Variants in ISM1 observed in about 807,000 individuals in gnomAD.
ISM1 encodes the protein isthmin-1.
Under a neutral mutation model 46.3 loss-of-function variants are expected in ISM1, and 25 were observed. That is an observed-to-expected ratio of 0.54 (90% CI 0.39 to 0.75). The LOEUF is 0.75. Among genes scored for constraint, ISM1 ranks in the 30% least tolerant of loss-of-function variants. The pLI is 0.00. For missense variants in ISM1, 536 were observed against 625.4 expected (o/e 0.86, Z 1.52); for synonymous variants, 255 against 256.7 (o/e 0.99, Z 0.06).
intron 3 of ISM1, among the ~76,000 whole-genome samples, chr20:13,282,712 AGTC>A (rs2040250700): frequency 6.6e-6 from 1 of 152,240 alleles, no homozygotes; most frequent in Non-Finnish European, 1.5e-5. Context: ...TTATAAATAA[AGTC>A]GTGTTCTGTG....
intron 1 of ISM1, among the ~76,000 whole-genome samples, chr20:13,263,415 T>C (rs1170924193): frequency 6.6e-6 from 1 of 152,068 alleles, no homozygotes; most frequent in Non-Finnish European, 1.5e-5. Flanking sequence ...GTGCCCCTTC[T>C]AGAAAGCCGA....
At chr20:13,291,337 G>A (rs771909741) in intron 4 of ISM1, among the ~76,000 whole-genome samples, 2 of 152,028 alleles carry the variant, frequency 1.3e-5, no homozygotes, top group African/African-American at 2.4e-5. Context: ...TGTTTGATTC[G>A]TTGATTCCCA....
chr20:13,226,022 T>A (rs2039520805), intron 1 of ISM1, among the ~76,000 whole-genome samples: 1 of 152,232 alleles, frequency 6.6e-6, no homozygotes, highest in Non-Finnish European at 1.5e-5. Context: ...AGTTTTAGAA[T>A]CATGAATTTC....
chr20:13,233,661 G>A (rs2123143045), intron 1 of ISM1, among the ~76,000 whole-genome samples: 1 of 151,418 alleles, frequency 6.6e-6, no homozygotes, highest in Middle Eastern at 3.5e-3. Flanking sequence ...GAAATGAATT[G>A]AGGAAATTCT....
At chr20:13,233,083 G>A (rs114158348) in intron 1 of ISM1, among the ~76,000 whole-genome samples, 6 of 151,430 alleles carry the variant, frequency 4.0e-5, no homozygotes, top group South Asian at 2.1e-4. Context: ...TACTTCTCCC[G>A]TGTCCTGCTG....
intron 1 of ISM1, among the ~76,000 whole-genome samples, chr20:13,269,139 C>G (rs1030123176): frequency 5.3e-5 from 8 of 152,116 alleles, no homozygotes; most frequent in African/African-American, 1.9e-4. Context: ...ATATACACTC[C>G]CAAACCCCAA....
the ISM1 span, among the ~76,000 whole-genome samples, chr20:13,317,297 AAAG>A: frequency 0.12 from 17,808 of 151,966 alleles, 1,492 homozygotes; most frequent in Non-Finnish European, 0.18. Flanking sequence ...GAGAGAAATC[AAAG>A]AAGTAAATAA....
At chr20:13,277,395 G>A (rs534838961) in intron 2 of ISM1, among the ~76,000 whole-genome samples, 8 of 146,302 alleles carry the variant, frequency 5.5e-5, no homozygotes, top group East Asian at 2.0e-4. Context: ...CCTTGCAGAC[G>A]ATTGTTGCAG....
chr20:13,240,247 T>C (rs1319299426), intron 1 of ISM1, among the ~76,000 whole-genome samples: 1 of 152,182 alleles, frequency 6.6e-6, no homozygotes, highest in Non-Finnish European at 1.5e-5. Flanking sequence ...GAAAGAAAAC[T>C]GACAATAATT....
chr20:13,266,246 G>C (rs534711082), intron 1 of ISM1, among the ~76,000 whole-genome samples: 4 of 152,304 alleles, frequency 2.6e-5, no homozygotes, highest in Admixed American at 2.6e-4. Context: ...TGCAATGTCT[G>C]CCACAGTACT....
the ISM1 span, among the ~76,000 whole-genome samples, chr20:13,311,037 T>C: frequency 3.0e-4 from 45 of 151,922 alleles, no homozygotes; most frequent in South Asian, 9.0e-3. Flanking sequence ...CTACTGAAAA[T>C]ACAAAAATTA....
Position 13,279,760 on chromosome 20 carries a change from G to C in ISM1, c.505G>C (p.Ala169Pro), listed in dbSNP as rs746319100. Residue 169 changes from alanine to proline, a missense_variant, in exon 3 of 6, where the codon GCC (alanine) becomes CCC (proline). Ala to Pro is a conservative substitution (Grantham distance 27). Around this residue, in one of 2 missense-constraint regions of ISM1, gnomAD observed 367 missense variants for 376.1 expected, o/e 0.98. Coordinates refer to ENST00000262487, the MANE Select transcript of ISM1 (RefSeq NM_080826.2). Reference sequence around the variant, plus strand: ...CTGGTGGCAGAGGTCCCTGTCCTTGGCCAGGGCAAACAGCGGGGACCAGGA... The same window carrying C: ...CTGGTGGCAGAGGTCCCTGTCCTTGCCCAGGGCAAACAGCGGGGACCAGGA... ...RAWWQRSLSL[A>P]RANSGDQDYK... is the part of the protein sequence containing the mutation. The C allele has an allele frequency of 2.5e-6, 4 of 1,613,868 alleles. No homozygotes were observed. The African/African-American group carries it at 5.3e-5, about 22-fold the overall frequency.
chr20:13,298,912 G>A, intron 5 of ISM1, 30 bp from the exon 6 acceptor site: 2 of 1,607,122 alleles, frequency 1.2e-6, no homozygotes, highest in South Asian at 1.1e-5. Context: ...TGTACACGCG[G>A]TGAGAGGGTT....
chr20:13,306,878 G>A, the ISM1 span, among the ~76,000 whole-genome samples: 1 of 152,136 alleles, frequency 6.6e-6, no homozygotes, highest in South Asian at 2.1e-4. Context: ...TGGCTACAGA[G>A]GACAGAATCT....
chr20:13,317,738 T>C, the ISM1 span, among the ~76,000 whole-genome samples: 1 of 152,102 alleles, frequency 6.6e-6, no homozygotes, highest in Non-Finnish European at 1.5e-5. Flanking sequence ...AGCATTCACA[T>C]GCAAAACAAA....
intron 3 of ISM1, among the ~76,000 whole-genome samples, chr20:13,283,174 G>A (rs1008741947): frequency 6.6e-6 from 1 of 152,082 alleles, no homozygotes; most frequent in African/African-American, 2.4e-5. Flanking sequence ...CAAAAGTGCT[G>A]GGATTTTAAT....
At chr20:13,223,114 G>A (rs2039470503) in intron 1 of ISM1, among the ~76,000 whole-genome samples, 1 of 150,796 alleles carries the variant, frequency 6.6e-6, no homozygotes, top group African/African-American at 2.5e-5. Flanking sequence ...CTGAGATCGC[G>A]CCACTGCACT....
At position 13,239,293 on chromosome 20, in the gene ISM1, C is replaced by T. The variant is rs143694577; in HGVS notation, c.138+17379C>T. 6.4e-3 allele frequency among the ~76,000 whole-genome samples: 972 copies of T among 152,346 alleles called. 17 individuals are homozygous for T. The highest frequency in any genetic ancestry group is 0.022 in the African/African-American group (913 of 41,564). ...CTGAAACTCTGTCTGGTGTGGTTCT[C>T]TCATGCCCCACAATGGTTCTTTCAC... On this transcript the variant is annotated intron_variant, in intron 1 of 5. Transcript: ENST00000262487.
Position 13,288,615 on chromosome 20 carries a change from G to C in ISM1, c.719G>C (p.Arg240Pro). Reference protein sequence around the residue: ...SVTCGNGNQKRTRSCGYACTA... With the variant: ...SVTCGNGNQKPTRSCGYACTA... Reference sequence around the variant, plus strand: ...ACCTGCGGGAACGGCAACCAGAAACGGACCCGGTCTTGTGGCTACGCGTGC... The same window carrying C: ...ACCTGCGGGAACGGCAACCAGAAACCGACCCGGTCTTGTGGCTACGCGTGC... The change falls in exon 4 of 6, where the codon CGG becomes CCG. Residue 240 changes from arginine (R) to proline (P), a missense_variant. Arg to Pro is a moderately radical substitution (Grantham distance 103). This residue lies in a region of ISM1 where 367 missense variants were observed against 376.1 expected (regional missense o/e 0.98). Coordinates refer to ENST00000262487, the MANE Select transcript of ISM1 (RefSeq NM_080826.2). 2.5e-6 allele frequency: 4 copies of C among 1,613,994 alleles called. No individual in the cohort carries two copies. Among genetic ancestry groups the C allele is most frequent in the Non-Finnish European group, 3.4e-6 (4 of 1,179,892 alleles).
Sources: gnomAD v4.1 joint callset for allele counts (sites outside exome capture counted in the v4.1 genomes callset) on GRCh38, gnomAD v4.1.1 for gene constraint, gnomAD v4.1.1 regional missense constraint, MANE v1.5 for transcripts, NCBI Gene and HGNC (gene_info 2026-07-23, HGNC 2026-07-21) for gene names.